The following FOXN3 variants were observed in gnomAD, a reference collection of about 807,000 sequenced individuals.
FOXN3 encodes the protein forkhead box protein N3.
FOXN3 carries 7 observed loss-of-function variants against 38.4 expected under a neutral mutation model. That is an observed-to-expected ratio of 0.18 (90% CI 0.10 to 0.34). FOXN3 has a LOEUF of 0.34. Among genes scored for constraint, FOXN3 ranks in the 10% least tolerant of loss-of-function variants. The pLI is 1.00. For synonymous variants in FOXN3, 230 were observed against 242.2 expected (o/e 0.95, Z 0.47); for missense variants, 456 against 613.4 (o/e 0.74, Z 2.71).
chr14:89,293,315 G>A (rs1021378845), intron 3 of FOXN3, among the ~76,000 whole-genome samples: 4 of 152,304 alleles, frequency 2.6e-5, no homozygotes, highest in South Asian at 2.1e-4. Flanking sequence ...GTGTCTATTC[G>A]TTTGCTGGGG....
intron 3 of FOXN3, among the ~76,000 whole-genome samples, chr14:89,292,001 T>C (rs916733353): frequency 1.3e-5 from 2 of 152,226 alleles, no homozygotes; most frequent in East Asian, 1.9e-4. Context: ...CCAGGAACAC[T>C]GGCCCCAATC....
intron 2 of FOXN3, among the ~76,000 whole-genome samples, chr14:89,400,983 A>C (rs560500011): frequency 6.6e-6 from 1 of 152,276 alleles, no homozygotes; most frequent in South Asian, 2.1e-4. Context: ...TGGAAGGTCT[A>C]GGAGAGCAGC....
intron 4 of FOXN3, among the ~76,000 whole-genome samples, chr14:89,275,382 G>C (rs1222951378): frequency 6.6e-6 from 1 of 152,158 alleles, no homozygotes; most frequent in East Asian, 1.9e-4. Context: ...TTGCTAGAGT[G>C]GAACAGAGCT....
intron 1 of FOXN3, among the ~76,000 whole-genome samples, chr14:89,467,078 G>A (rs771979948): frequency 1.2e-4 from 19 of 152,272 alleles, no homozygotes; most frequent in South Asian, 2.1e-4. Flanking sequence ...AATCCAGGAC[G>A]GAGCCTGCTG....
At chr14:89,237,907 C>T (rs1485137826) in intron 4 of FOXN3, among the ~76,000 whole-genome samples, 2 of 152,206 alleles carry the variant, frequency 1.3e-5, no homozygotes, top group African/African-American at 2.4e-5. Flanking sequence ...GAGCTGTGTG[C>T]TGTACGATGG....
chr14:89,611,719 C>A (rs369036174), intron 1 of FOXN3, among the ~76,000 whole-genome samples: 2 of 148,726 alleles, frequency 1.3e-5, no homozygotes, highest in South Asian at 4.2e-4. Context: ...GGCAGGAGAA[C>A]GGCGTGAACC....
intron 3 of FOXN3, among the ~76,000 whole-genome samples, chr14:89,336,157 C>CACAA (rs1391067183): frequency 6.9e-6 from 1 of 145,038 alleles, no homozygotes; most frequent in Non-Finnish European, 1.5e-5. Context: ...CACACACACA[C>CACAA]ACACACACAC....
Position 89,180,902 on chromosome 14 carries a change from G to C in FOXN3, c.746-96C>G, listed in dbSNP as rs1409699629. ...ATTCTGGATAGACCAATAAGAGAGA[G>C]AGAGAGACAGAGGGCAGAGACAGAG... On this transcript the variant is annotated intron_variant, in intron 4 of 5. Coordinates refer to ENST00000557258, the MANE Select transcript of FOXN3 (RefSeq NM_005197.4). 6.5e-6 allele frequency: 3 copies of C among 462,070 alleles called. No homozygotes were observed. The East Asian group carries it at 1.3e-4, about 20-fold the overall frequency. 28.6% of individuals were successfully genotyped at this position (462,070 alleles called of 1,614,324 possible).
chr14:89,250,244 G>A (rs1404755599), intron 4 of FOXN3, among the ~76,000 whole-genome samples: 1 of 152,134 alleles, frequency 6.6e-6, no homozygotes, highest in Non-Finnish European at 1.5e-5. Flanking sequence ...CTGAGTAGCT[G>A]GGACCATAGG....
intron 3 of FOXN3, among the ~76,000 whole-genome samples, chr14:89,297,371 G>GCTAA (rs1887073061): frequency 6.6e-6 from 1 of 151,762 alleles, no homozygotes; most frequent in Non-Finnish European, 1.5e-5. Flanking sequence ...GACCATCCTG[G>GCTAA]CTAACACGGT....
intron 4 of FOXN3, among the ~76,000 whole-genome samples, chr14:89,279,668 TC>T (rs1596149749): frequency 6.6e-6 from 1 of 152,192 alleles, no homozygotes; most frequent in Non-Finnish European, 1.5e-5. Context: ...TGGAGGGACT[TC>T]CTTTTGTTTT....
intron 1 of FOXN3, among the ~76,000 whole-genome samples, chr14:89,477,535 C>T (rs1208759299): frequency 2.0e-5 from 3 of 152,220 alleles, no homozygotes; most frequent in Admixed American, 6.5e-5. Flanking sequence ...CTTGGGGCCT[C>T]ACCCACAACA....
chr14:89,374,123 G>A (rs2140059143), intron 2 of FOXN3, among the ~76,000 whole-genome samples: 1 of 151,914 alleles, frequency 6.6e-6, no homozygotes, highest in South Asian at 2.1e-4. Context: ...AAAATTAACG[G>A]CATGATGGTG....
chr14:89,454,061 T>C (rs572127685), intron 1 of FOXN3, among the ~76,000 whole-genome samples: 1 of 152,104 alleles, frequency 6.6e-6, no homozygotes, highest in African/African-American at 2.4e-5. Flanking sequence ...CTCAGCACTT[T>C]GGGAGGTCGA....
intron 1 of FOXN3, among the ~76,000 whole-genome samples, chr14:89,537,359 C>T (rs1290408143): frequency 6.6e-6 from 1 of 151,828 alleles, no homozygotes; most frequent in Non-Finnish European, 1.5e-5. Flanking sequence ...ACTGTCCAAC[C>T]TAGAGGAGTC....
At chr14:89,403,571 G>A (rs1053152816) in intron 2 of FOXN3, among the ~76,000 whole-genome samples, 1 of 152,238 alleles carries the variant, frequency 6.6e-6, no homozygotes, top group African/African-American at 2.4e-5. Context: ...GAATTATCCT[G>A]CAGCCAAAAT....
chr14:89,613,990 T>C (rs1240140108), intron 1 of FOXN3, among the ~76,000 whole-genome samples: 1 of 152,210 alleles, frequency 6.6e-6, no homozygotes, highest in African/African-American at 2.4e-5. Flanking sequence ...TCCTCAATAC[T>C]GACAGCTTCT....
intron 4 of FOXN3, among the ~76,000 whole-genome samples, chr14:89,231,680 G>T (rs963870793): frequency 6.6e-6 from 1 of 152,146 alleles, no homozygotes; most frequent in African/African-American, 2.4e-5. Flanking sequence ...CTTCGCATCT[G>T]GAGAAAAAGG....
chr14:89,354,255 C>G (rs1889102019), intron 2 of FOXN3, among the ~76,000 whole-genome samples: 1 of 150,592 alleles, frequency 6.6e-6, no homozygotes, highest in Admixed American at 6.6e-5. Context: ...TAGACAGAGT[C>G]TCGCTCTTGT....
Sources: gnomAD v4.1 joint callset for allele counts (sites outside exome capture counted in the v4.1 genomes callset) on GRCh38, gnomAD v4.1.1 for gene constraint, MANE v1.5 for transcripts, NCBI Gene and HGNC (gene_info 2026-07-23, HGNC 2026-07-21) for gene names.